Variants in CDK14 observed in about 807,000 individuals in gnomAD.
The protein encoded by CDK14 is cyclin-dependent kinase 14.
A neutral mutation model predicts 60.7 loss-of-function variants in CDK14; 34 were observed. The ratio of observed to expected loss-of-function variants is 0.56; its 90% CI spans 0.43 to 0.75. The LOEUF is 0.75. CDK14 is among the 30% of genes least tolerant of loss of function. The probability of loss-of-function intolerance (pLI) is 0.00; values close to 1 mark genes in which losing one functional copy is unlikely to be tolerated. For missense variants in CDK14, 482 were observed against 564.1 expected, an observed-to-expected ratio of 0.85 and a Z score of 1.47; for synonymous variants, 197 against 203.7, an observed-to-expected ratio of 0.97 and a Z score of 0.28.
At chr7:90,707,491 C>T (rs763414573) in intron 2 of CDK14, among the ~76,000 whole-genome samples, 21 of 152,114 alleles carry the variant, frequency 1.4e-4, no homozygotes, top group Non-Finnish European at 2.6e-4. Context: ...ATTACCCTGT[C>T]GTAAGATGAA....
At chr7:91,192,866 A>C (rs1802412204) in intron 14 of CDK14, among the ~76,000 whole-genome samples, 1 of 152,174 alleles carries the variant, frequency 6.6e-6, no homozygotes, top group Non-Finnish European at 1.5e-5. Flanking sequence ...GGATCATCTA[A>C]ATAGGGACCC....
intron 5 of CDK14, among the ~76,000 whole-genome samples, chr7:90,843,170 C>T (rs1017335255): frequency 1.3e-5 from 2 of 152,054 alleles, no homozygotes; most frequent in African/African-American, 4.8e-5. Flanking sequence ...GTTGATACAA[C>T]CAAAATTTTG....
intron 6 of CDK14, among the ~76,000 whole-genome samples, chr7:90,865,676 A>G (rs1791154290): frequency 6.6e-6 from 1 of 152,166 alleles, no homozygotes; most frequent in Non-Finnish European, 1.5e-5. Context: ...AAGAGAGGCA[A>G]AAGAATGTTT....
intron 10 of CDK14, among the ~76,000 whole-genome samples, chr7:90,986,476 A>T (rs760237691): frequency 1.7e-4 from 26 of 152,198 alleles, no homozygotes; most frequent in Non-Finnish European, 3.4e-4. Flanking sequence ...TGGAAATAAT[A>T]CAAAATTGTA....
chr7:90,999,159 G>T (rs1316973348), intron 10 of CDK14, among the ~76,000 whole-genome samples: 1 of 152,046 alleles, frequency 6.6e-6, no homozygotes, highest in Non-Finnish European at 1.5e-5. Flanking sequence ...TGAATTTGTG[G>T]ATTAGGTTTC....
At chr7:91,082,385 C>A (rs1467037968) in intron 12 of CDK14, among the ~76,000 whole-genome samples, 3 of 152,196 alleles carry the variant, frequency 2.0e-5, no homozygotes, top group Admixed American at 1.3e-4. Context: ...AGAAGCACGT[C>A]TACAGACTTG....
At chr7:91,112,737 G>C (rs552403221) in intron 13 of CDK14, 56 bp downstream of exon 13, 143 of 1,582,508 alleles carry the variant, frequency 9.0e-5, no homozygotes, top group Non-Finnish European at 1.2e-4. Flanking sequence ...TTTTATTTTG[G>C]CATCTGTATG....
At chr7:91,086,413 C>G (rs1798641201) in intron 12 of CDK14, among the ~76,000 whole-genome samples, 1 of 152,146 alleles carries the variant, frequency 6.6e-6, no homozygotes, top group Admixed American at 6.6e-5. Context: ...TTGTCTCTCT[C>G]TCTTTTCTGT....
At chr7:91,069,296 C>T (rs1012867363) in intron 11 of CDK14, among the ~76,000 whole-genome samples, 13 of 152,268 alleles carry the variant, frequency 8.5e-5, no homozygotes, top group African/African-American at 3.1e-4. Context: ...CTCAGCTACT[C>T]AGGAGGCTGA....
At chr7:90,798,697 T>C (rs969137938) in intron 5 of CDK14, among the ~76,000 whole-genome samples, 2 of 152,228 alleles carry the variant, frequency 1.3e-5, no homozygotes, top group African/African-American at 4.8e-5. Flanking sequence ...CAAGTGGAAA[T>C]ACTTGAAGCA....
chr7:91,207,205 A>G lies in CDK14; in HGVS notation c.*69A>G, dbSNP rs1802930478. ...ATTCTGGGAAGAAAAAAAAAACATT[A>G]ATGAAGAGGCCAATAATATGAAGGG... On this transcript the variant is annotated 3_prime_UTR_variant, in exon 15 of 15. Transcript: ENST00000380050. 1 of 152,152 alleles carries G rather than the reference A, an allele frequency of 6.6e-6. No homozygotes were observed. Among genetic ancestry groups the G allele is most frequent in the African/African-American group, 2.4e-5 (1 of 41,434 alleles). The allele number at this position is 152,152 out of a possible 1,614,324, so 9.4% of individuals were successfully genotyped here.
At chr7:90,814,059 A>C (rs1434506661) in intron 5 of CDK14, among the ~76,000 whole-genome samples, 1 of 152,182 alleles carries the variant, frequency 6.6e-6, no homozygotes, top group Non-Finnish European at 1.5e-5. Context: ...AATATGTGTT[A>C]CTTTTATTAT....
chr7:90,630,177 A>T (rs1379192651), intron 2 of CDK14, among the ~76,000 whole-genome samples: 1 of 152,240 alleles, frequency 6.6e-6, no homozygotes, highest in Non-Finnish European at 1.5e-5. Context: ...CAGTTTTAAT[A>T]CACATACAGT....
chr7:90,652,075 T>C (rs1449535975), intron 2 of CDK14, among the ~76,000 whole-genome samples: 1 of 152,144 alleles, frequency 6.6e-6, no homozygotes, highest in Non-Finnish European at 1.5e-5. Context: ...CAGCACTTAC[T>C]TCCCCTCATC....
chr7:90,911,611 T>A (rs1792904193), intron 7 of CDK14, among the ~76,000 whole-genome samples: 1 of 151,990 alleles, frequency 6.6e-6, no homozygotes, highest in Non-Finnish European at 1.5e-5. Flanking sequence ...TATTAAATAA[T>A]CTGTGTATTT....
intron 14 of CDK14, among the ~76,000 whole-genome samples, chr7:91,177,091 C>T (rs1191222819): frequency 1.3e-5 from 2 of 150,072 alleles, no homozygotes; most frequent in Non-Finnish European, 3.0e-5. Flanking sequence ...TCCAGCAGCA[C>T]ATCAAAAAGC....
chr7:91,127,931 T>G (rs928223224), intron 14 of CDK14, among the ~76,000 whole-genome samples: 2 of 152,200 alleles, frequency 1.3e-5, no homozygotes, highest in African/African-American at 4.8e-5. Context: ...ATGTATCAAA[T>G]GAGCTTTTGT....
chr7:90,692,236 A>AG (rs1355086540), intron 2 of CDK14, among the ~76,000 whole-genome samples: 1 of 152,120 alleles, frequency 6.6e-6, no homozygotes, highest in Non-Finnish European at 1.5e-5. Context: ...GTAAGACAAG[A>AG]GCGTATTTTT....
intron 7 of CDK14, among the ~76,000 whole-genome samples, chr7:90,904,982 A>G (rs1324610132): frequency 4.6e-5 from 7 of 152,132 alleles, no homozygotes; most frequent in African/African-American, 1.7e-4. Flanking sequence ...AGGTAAAATT[A>G]CCATTTTCAG....
Sources: gnomAD v4.1 joint callset for allele counts (sites outside exome capture counted in the v4.1 genomes callset) on GRCh38, gnomAD v4.1.1 for gene constraint, MANE v1.5 for transcripts, NCBI Gene and HGNC (gene_info 2026-07-23, HGNC 2026-07-21) for gene names.